The following TSPAN5 variants were observed in gnomAD, a reference collection of about 807,000 sequenced individuals.
The protein encoded by TSPAN5 is tetraspanin-5.
In TSPAN5, 10 loss-of-function variants were observed where a neutral mutation model predicts 37.1. The ratio of observed to expected loss-of-function variants is 0.27; its 90% CI spans 0.17 to 0.46. The LOEUF is 0.46. Among genes scored for constraint, TSPAN5 ranks in the 20% least tolerant of loss-of-function variants. The pLI, the probability that TSPAN5 is intolerant of heterozygous loss-of-function variation, is 1.00. For missense variants in TSPAN5, 195 were observed against 326.6 expected (o/e 0.60, Z 3.11); for synonymous variants, 110 against 118.9 (o/e 0.93, Z 0.48).
chr4:98,537,562 T>C (rs1754263072), intron 1 of TSPAN5, among the ~76,000 whole-genome samples: 1 of 152,222 alleles, frequency 6.6e-6, no homozygotes, highest in African/African-American at 2.4e-5. Context: ...ATTAGGCAAG[T>C]GCCCCATTTT....
intron 3 of TSPAN5, chr4:98,483,621 T>C (rs1354020289): frequency 2.0e-5 from 3 of 152,194 alleles, no homozygotes; most frequent in Admixed American, 1.3e-4. Context: ...TACTGCTCTG[T>C]GAGGGTGGGC....
rs576638338 is a variant in TSPAN5, at chr4:98,585,319, C to CT, written c.81+72826dup. ...CAATGTCTATTATTCCACTCTCTCT[C>CT]TTTTTTTTTTGAGGCAGTCTTGCTC... On this transcript the variant is annotated intron_variant, in intron 1 of 7. Transcript: ENST00000305798. Among the ~76,000 whole-genome samples, 414 of 139,194 alleles carry CT rather than the reference C, an allele frequency of 3.0e-3. 1 individual carries two copies. The highest frequency in any genetic ancestry group is 6.6e-3 in the African/African-American group (266 of 40,376). 91.3% of individuals were successfully genotyped at this position (139,194 alleles called of 152,430 possible). A position where few individuals can be genotyped will look rare whatever the true frequency, so the allele number is the denominator to read the frequency against.
chr4:98,489,745 A>G (rs917353215), intron 2 of TSPAN5, among the ~76,000 whole-genome samples: 1 of 151,812 alleles, frequency 6.6e-6, no homozygotes, highest in Non-Finnish European at 1.5e-5. Context: ...CCCAGGGTTC[A>G]TCCTAATCGA....
intron 1 of TSPAN5, among the ~76,000 whole-genome samples, chr4:98,639,808 T>A (rs1054032724): frequency 2.0e-5 from 3 of 152,196 alleles, no homozygotes; most frequent in African/African-American, 7.2e-5. Flanking sequence ...GAATGACTAG[T>A]AGATAGGACA....
intron 5 of TSPAN5, among the ~76,000 whole-genome samples, chr4:98,478,241 A>G (rs1752750833): frequency 6.6e-6 from 1 of 152,160 alleles, no homozygotes; most frequent in Non-Finnish European, 1.5e-5. Flanking sequence ...CTAACCCCAA[A>G]CCAATGCAGA....
chr4:98,583,042 T>C (rs1480298717), intron 1 of TSPAN5, among the ~76,000 whole-genome samples: 1 of 152,190 alleles, frequency 6.6e-6, no homozygotes, highest in Non-Finnish European at 1.5e-5. Flanking sequence ...TATTTATCCA[T>C]ACATCACTCA....
chr4:98,624,065 GA>G (rs1362258423), intron 1 of TSPAN5, among the ~76,000 whole-genome samples: 1 of 151,856 alleles, frequency 6.6e-6, no homozygotes, highest in Non-Finnish European at 1.5e-5. Context: ...GAATCATATT[GA>G]AAAAAAGTAA....
At chr4:98,478,622 G>C in intron 5 of TSPAN5, 63 bp downstream of exon 5, 1 of 1,603,164 alleles carries the variant, frequency 6.2e-7, no homozygotes, top group East Asian at 2.2e-5. Flanking sequence ...CACTCTGCTC[G>C]TCCCATGCAC....
intron 1 of TSPAN5, among the ~76,000 whole-genome samples, chr4:98,520,966 C>A (rs1408735513): frequency 6.6e-6 from 1 of 152,080 alleles, no homozygotes; most frequent in Non-Finnish European, 1.5e-5. Context: ...GAGTCTCGCT[C>A]TGTCGCCCAG....
chr4:98,581,933 T>C (rs1755377414), intron 1 of TSPAN5, among the ~76,000 whole-genome samples: 1 of 152,156 alleles, frequency 6.6e-6, no homozygotes, highest in African/African-American at 2.4e-5. Flanking sequence ...AGAATGATTC[T>C]GTATGGCAGA....
At chr4:98,602,820 A>G (rs1342283320) in intron 1 of TSPAN5, among the ~76,000 whole-genome samples, 3 of 152,230 alleles carry the variant, frequency 2.0e-5, no homozygotes, top group Non-Finnish European at 2.9e-5. Context: ...GGCTGTCTCC[A>G]TAATTCTACA....
At chr4:98,587,951 T>C (rs1253851494) in intron 1 of TSPAN5, among the ~76,000 whole-genome samples, 1 of 152,020 alleles carries the variant, frequency 6.6e-6, no homozygotes, top group Non-Finnish European at 1.5e-5. Flanking sequence ...CCAAAACCTA[T>C]CCAAGTTTTC....
intron 1 of TSPAN5, among the ~76,000 whole-genome samples, chr4:98,618,854 T>C (rs1314415637): frequency 6.6e-6 from 1 of 152,176 alleles, no homozygotes; most frequent in Non-Finnish European, 1.5e-5. Flanking sequence ...TTGGCACTCA[T>C]CTAACAAGTC....
chr4:98,507,815 TAC>T, intron 1 of TSPAN5, 87 bp from the exon 2 acceptor site: 2 of 954,100 alleles, frequency 2.1e-6, no homozygotes, highest in South Asian at 3.1e-5. Flanking sequence ...TTTGTCACTT[TAC>T]CTGGCTGGGA....
chr4:98,492,238 C>G (rs1753100590), intron 2 of TSPAN5, among the ~76,000 whole-genome samples: 1 of 152,148 alleles, frequency 6.6e-6, no homozygotes. Flanking sequence ...CTCTAAAATG[C>G]CAAACTCCAG....
intron 1 of TSPAN5, among the ~76,000 whole-genome samples, chr4:98,524,885 G>A (rs1270135633): frequency 6.6e-6 from 1 of 152,008 alleles, no homozygotes; most frequent in Admixed American, 6.6e-5. Context: ...TCTTTTTACT[G>A]TGTGTCATTA....
intron 1 of TSPAN5, among the ~76,000 whole-genome samples, chr4:98,553,182 G>T (rs1460697433): frequency 1.3e-5 from 2 of 152,160 alleles, no homozygotes; most frequent in South Asian, 2.1e-4. Flanking sequence ...GATAACACTA[G>T]TATAAAGTTA....
chr4:98,632,868 G>T (rs375638352), intron 1 of TSPAN5, among the ~76,000 whole-genome samples: 1 of 152,138 alleles, frequency 6.6e-6, no homozygotes, highest in Non-Finnish European at 1.5e-5. Flanking sequence ...AGCACAGACC[G>T]GGAGGATTTG....
At chr4:98,556,846 A>G (rs1489726623) in intron 1 of TSPAN5, among the ~76,000 whole-genome samples, 1 of 152,226 alleles carries the variant, frequency 6.6e-6, no homozygotes, top group East Asian at 1.9e-4. Flanking sequence ...TTTGCCAAAG[A>G]TAAGGAAAAT....
Sources: gnomAD v4.1 joint callset for allele counts (sites outside exome capture counted in the v4.1 genomes callset) on GRCh38, gnomAD v4.1.1 for gene constraint, MANE v1.5 for transcripts, NCBI Gene and HGNC (gene_info 2026-07-23, HGNC 2026-07-21) for gene names.